The following NRG3 variants were observed in gnomAD, a reference collection of about 807,000 sequenced individuals.
The protein encoded by NRG3 is neuregulin 3, also known as pro-neuregulin-3, membrane-bound isoform.
In NRG3, 31 loss-of-function variants were observed where a neutral mutation model predicts 66.9. The ratio of observed to expected loss-of-function variants is 0.46; its 90% CI spans 0.35 to 0.63. The LOEUF is 0.63. Ranked by LOEUF, NRG3 falls within the 20% of genes least tolerant of loss-of-function variation. NRG3 has a pLI of 0.00. For synonymous variants in NRG3, 393 were observed against 359.4 expected, an observed-to-expected ratio of 1.09 and a Z score of -1.06; for missense variants, 910 against 878.9, an observed-to-expected ratio of 1.04 and a Z score of -0.45.
rs56909491 is a variant in NRG3 at position 82,261,499 on chromosome 10, G to C, written c.824-97240G>C. Reference sequence around the variant, plus strand: ...GTCGTGGAGACCTTAACCCAGCGGCGCTAGAGGAATTAAAGACACACACAC... The same window carrying C: ...GTCGTGGAGACCTTAACCCAGCGGCCCTAGAGGAATTAAAGACACACACAC... On this transcript the variant is annotated intron_variant, in intron 1 of 8. Coordinates refer to ENST00000372141, the MANE Select transcript of NRG3 (RefSeq NM_001010848.4). Among the ~76,000 whole-genome samples, 813 of 152,274 alleles carry C rather than the reference G, an allele frequency of 5.3e-3. 8 individuals carry two copies. Among genetic ancestry groups the C allele is most frequent in the African/African-American group, 0.019 (781 of 41,556 alleles).
At chr10:82,078,023 G>A (rs529790886) in intron 1 of NRG3, among the ~76,000 whole-genome samples, 1 of 152,064 alleles carries the variant, frequency 6.6e-6, no homozygotes, top group African/African-American at 2.4e-5. Flanking sequence ...TTGGGACAAG[G>A]CATGGTGGCC....
At chr10:82,883,587 T>C (rs1241022308) in intron 4 of NRG3, among the ~76,000 whole-genome samples, 1 of 152,174 alleles carries the variant, frequency 6.6e-6, no homozygotes, top group Non-Finnish European at 1.5e-5. Flanking sequence ...CAACTTATAT[T>C]TGTTCTCTAA....
chr10:82,463,024 A>G lies in NRG3; in HGVS notation c.953+104156A>G, dbSNP rs949907415. The stretch of plus-strand genomic sequence containing the variant: ...TTATCTGTCCACCTACTAGAAAGTC[A>G]TATTGGAAGTGATGGATGCCAGCTC... On this transcript the variant is annotated intron_variant, in intron 2 of 8. Coordinates refer to ENST00000372141, the MANE Select transcript of NRG3 (RefSeq NM_001010848.4). Among the ~76,000 whole-genome samples, 3 of 152,298 alleles carry G rather than the reference A, an allele frequency of 2.0e-5. No individual in the cohort carries two copies. In the East Asian group the frequency reaches 5.8e-4, roughly 30 times the overall value.
intron 2 of NRG3, among the ~76,000 whole-genome samples, chr10:82,617,259 C>T (rs1221944416): frequency 6.7e-6 from 1 of 148,968 alleles, no homozygotes; most frequent in Non-Finnish European, 1.5e-5. Flanking sequence ...CACACATACA[C>T]ATACACACAC....
intron 4 of NRG3, among the ~76,000 whole-genome samples, chr10:82,905,315 C>T (rs1163516844): frequency 6.6e-6 from 1 of 152,072 alleles, no homozygotes; most frequent in Non-Finnish European, 1.5e-5. Flanking sequence ...ATCCAGTCCT[C>T]CATTCCATTT....
chr10:82,408,871 G>C (rs1321630824), intron 2 of NRG3, among the ~76,000 whole-genome samples: 1 of 151,908 alleles, frequency 6.6e-6, no homozygotes, highest in African/African-American at 2.4e-5. Context: ...TTGCAGAATA[G>C]GAAATCTATA....
chr10:82,083,885 G>A (rs1156787742), intron 1 of NRG3, among the ~76,000 whole-genome samples: 2 of 151,696 alleles, frequency 1.3e-5, no homozygotes, highest in Admixed American at 6.6e-5. Context: ...CCAAAGTGCT[G>A]GGATTACAGG....
chr10:82,762,307 T>C (rs2059361359), intron 3 of NRG3, among the ~76,000 whole-genome samples: 1 of 152,086 alleles, frequency 6.6e-6, no homozygotes, highest in Admixed American at 6.6e-5. Flanking sequence ...AATTTTCCAA[T>C]TTCCATTATG....
At chr10:82,202,686 C>T (rs189678272) in intron 1 of NRG3, among the ~76,000 whole-genome samples, 6 of 152,236 alleles carry the variant, frequency 3.9e-5, no homozygotes, top group East Asian at 1.9e-4. Flanking sequence ...TCAAAATCAA[C>T]GGCTTAAATG....
At chr10:82,223,572 A>G (rs751237548) in intron 1 of NRG3, among the ~76,000 whole-genome samples, 2 of 151,934 alleles carry the variant, frequency 1.3e-5, no homozygotes, top group Non-Finnish European at 2.9e-5. Context: ...CCTCCTAAAT[A>G]TACTACTAGG....
intron 3 of NRG3, among the ~76,000 whole-genome samples, chr10:82,777,207 T>C (rs1044301801): frequency 1.3e-5 from 2 of 152,160 alleles, no homozygotes; most frequent in African/African-American, 4.8e-5. Flanking sequence ...ATAACTGCAG[T>C]TGCCTCAGTG....
At chr10:82,783,343 G>A (rs1312319255) in intron 3 of NRG3, among the ~76,000 whole-genome samples, 1 of 150,954 alleles carries the variant, frequency 6.6e-6, no homozygotes, top group Non-Finnish European at 1.5e-5. Flanking sequence ...CATAGTGTTG[G>A]AAGTTCTGGC....
At chr10:82,623,840 CT>C (rs1320335350) in intron 2 of NRG3, among the ~76,000 whole-genome samples, 1 of 152,104 alleles carries the variant, frequency 6.6e-6, no homozygotes, top group Non-Finnish European at 1.5e-5. Flanking sequence ...TTCTATGCCC[CT>C]AGTCTAGATT....
intron 2 of NRG3, among the ~76,000 whole-genome samples, chr10:82,543,032 C>G (rs1046751607): frequency 6.6e-6 from 1 of 151,992 alleles, no homozygotes; most frequent in Admixed American, 6.6e-5. Context: ...GCTGGGATTA[C>G]AGGGACATGC....
intron 2 of NRG3, among the ~76,000 whole-genome samples, chr10:82,442,794 T>A (rs2090505011): frequency 7.2e-6 from 1 of 138,842 alleles, no homozygotes; most frequent in Non-Finnish European, 1.6e-5. Flanking sequence ...ATTTTTTTTT[T>A]TTTTTTTTTT....
At chr10:82,562,330 T>C (rs2045106941) in intron 2 of NRG3, among the ~76,000 whole-genome samples, 1 of 152,176 alleles carries the variant, frequency 6.6e-6, no homozygotes, top group East Asian at 1.9e-4. Context: ...AGTGAGAGTA[T>C]AGCTGATTGA....
At chr10:82,502,024 A>G (rs1444983487) in intron 2 of NRG3, among the ~76,000 whole-genome samples, 1 of 152,182 alleles carries the variant, frequency 6.6e-6, no homozygotes, top group Admixed American at 6.5e-5. Context: ...GATGAATGAA[A>G]TCCGAAGAGA....
chr10:82,222,698 C>T (rs911933146), intron 1 of NRG3, among the ~76,000 whole-genome samples: 1 of 152,106 alleles, frequency 6.6e-6, no homozygotes, highest in Non-Finnish European at 1.5e-5. Flanking sequence ...ATTTTCTGTT[C>T]TCTGTATCCA....
At chr10:82,074,711 C>T (rs772322000) in intron 1 of NRG3, among the ~76,000 whole-genome samples, 2 of 152,244 alleles carry the variant, frequency 1.3e-5, no homozygotes, top group Non-Finnish European at 2.9e-5. Flanking sequence ...GTAGTGTGTG[C>T]CTGTAGTCTT....
Sources: gnomAD v4.1 joint callset for allele counts (sites outside exome capture counted in the v4.1 genomes callset) on GRCh38, gnomAD v4.1.1 for gene constraint, MANE v1.5 for transcripts, NCBI Gene and HGNC (gene_info 2026-07-23, HGNC 2026-07-21) for gene names.